The following CFAP47 variants were observed in gnomAD, a reference collection of about 807,000 sequenced individuals.
The protein encoded by CFAP47 is cilia and flagella associated protein 47, also known as cilia- and flagella-associated protein 47.
CFAP47 carries 29 observed loss-of-function variants against 148.1 expected under a neutral mutation model. That is an observed-to-expected ratio of 0.20 (90% CI 0.15 to 0.27). The LOEUF is 0.27. Among genes scored for constraint, CFAP47 ranks in the 10% least tolerant of loss-of-function variants. The pLI is 1.00. For missense variants in CFAP47, 1,872 were observed against 1,697.5 expected, an observed-to-expected ratio of 1.10 and a Z score of -1.81; for synonymous variants, 664 against 577.3, an observed-to-expected ratio of 1.15 and a Z score of -2.15.
chrX:36,120,015 A>G (rs1357321320), intron 33 of CFAP47, among the ~76,000 whole-genome samples: 1 of 88,097 alleles, frequency 1.1e-5, no homozygotes, highest in Non-Finnish European at 2.2e-5. Flanking sequence ...TTTTTTTTTG[A>G]TATGGAATCT....
intron 10 of CFAP47, among the ~76,000 whole-genome samples, chrX:35,969,668 A>G (rs922085631): frequency 9.0e-6 from 1 of 111,495 alleles, no homozygotes; most frequent in East Asian, 2.8e-4. Context: ...GACTTCAAAT[A>G]TATGTAGGAA....
intron 2 of CFAP47, among the ~76,000 whole-genome samples, chrX:35,936,610 G>T (rs12690387): frequency 0.19 from 20,412 of 108,974 alleles, 1,592 homozygotes; most frequent in African/African-American, 0.28. Flanking sequence ...TTTTTTTTCT[G>T]TTATGTTAGG....
At chrX:36,081,365 A>G (rs1937978518) in intron 29 of CFAP47, among the ~76,000 whole-genome samples, 1 of 111,294 alleles carries the variant, frequency 9.0e-6, no homozygotes, top group African/African-American at 3.3e-5. Context: ...AAAACCTACT[A>G]ACAAAAGCCA....
intron 43 of CFAP47, among the ~76,000 whole-genome samples, 176 bp downstream of exon 43, chrX:36,200,669 T>C (rs1939970489): frequency 8.9e-6 from 1 of 111,887 alleles, no homozygotes; most frequent in Non-Finnish European, 1.9e-5. Context: ...ATTTTACCAA[T>C]TAAAAAATTT....
At chrX:36,087,929 T>C (rs1456388579) in intron 30 of CFAP47, among the ~76,000 whole-genome samples, 1 of 111,578 alleles carries the variant, frequency 9.0e-6, no homozygotes, top group Non-Finnish European at 1.9e-5. Flanking sequence ...ATCAAGGTAT[T>C]GTCAAGGTTG....
intron 8 of CFAP47, among the ~76,000 whole-genome samples, chrX:35,962,623 C>G (rs1459202205): frequency 9.0e-6 from 1 of 110,918 alleles, no homozygotes; most frequent in Non-Finnish European, 1.9e-5. Flanking sequence ...GCACCCTGCT[C>G]TCTTTTGGAT....
intron 33 of CFAP47, among the ~76,000 whole-genome samples, chrX:36,129,355 T>C (rs1359613537): frequency 1.8e-5 from 2 of 110,991 alleles, no homozygotes; most frequent in African/African-American, 3.2e-5. Context: ...TCCATAGCAA[T>C]TTTTATCTTG....
intron 36 of CFAP47, among the ~76,000 whole-genome samples, chrX:36,147,798 C>T (rs914221013): frequency 9.8e-5 from 11 of 112,292 alleles, no homozygotes; most frequent in African/African-American, 2.9e-4. Flanking sequence ...CCTTATGACT[C>T]ACTATAACCA....
intron 35 of CFAP47, chrX:36,144,815 G>T (rs1246375326): frequency 9.8e-7 from 1 of 1,023,919 alleles, no homozygotes. Flanking sequence ...TCTGATTCCA[G>T]GTTTTTCAGC....
intron 45 of CFAP47, among the ~76,000 whole-genome samples, chrX:36,212,302 T>G (rs1240867312): frequency 1.8e-5 from 2 of 112,274 alleles, no homozygotes; most frequent in Non-Finnish European, 3.8e-5. Context: ...TAATTACTAT[T>G]GCTTTGTAGT....
At chrX:36,339,288 T>C (rs1012926275) in intron 57 of CFAP47, among the ~76,000 whole-genome samples, 5 of 111,200 alleles carry the variant, frequency 4.5e-5, no homozygotes, top group Admixed American at 9.6e-5. Context: ...TAGTGAGTAA[T>C]TGAGCACAGA....
At chrX:36,337,698 A>T (rs1191449047) in intron 57 of CFAP47, among the ~76,000 whole-genome samples, 2 of 110,630 alleles carry the variant, frequency 1.8e-5, no homozygotes, top group African/African-American at 6.6e-5. Context: ...TTAATAGATT[A>T]GCTTAATTTT....
At chrX:35,932,696 A>G (rs5972008) in intron 2 of CFAP47, among the ~76,000 whole-genome samples, 32,257 of 107,280 alleles carry the variant, frequency 0.3, 5,955 homozygotes, top group African/African-American at 0.68. Context: ...GCGTGATCTC[A>G]GCTCACTGCA....
In CFAP47 at chrX:35,924,859, C is replaced by T. The variant is rs571067988; in HGVS notation, c.250-1158C>T. Among the ~76,000 whole-genome samples, 99 of 111,098 alleles carry T rather than the reference C, an allele frequency of 8.9e-4. No individual in the cohort carries two copies. In the South Asian group the frequency reaches 9.9e-3, roughly 11 times the overall value. The stretch of plus-strand genomic sequence containing the variant: ...AAAAACATGAGCATTAAGTCTTTGC[C>T]TTTAGGTACATAAGACAAATATCAC... On this transcript the variant is annotated intron_variant, in intron 1 of 63. Transcript: ENST00000378653.
chrX:35,966,681 C>A lies in CFAP47; in HGVS notation c.1527C>A (p.Phe509Leu), dbSNP rs751751608. The A allele has an allele frequency of 8.5e-7, 1 of 1,180,502 alleles. No homozygotes were observed. Among genetic ancestry groups the A allele is most frequent in the East Asian group, 3.1e-5 (1 of 32,491 alleles). Residue 509 changes from phenylalanine (F) to leucine (L), a missense_variant, in exon 9 of 64, where the codon TTC (phenylalanine) becomes TTA (leucine). Coordinates refer to ENST00000378653, the MANE Select transcript of CFAP47 (RefSeq NM_001304548.2). Reference protein sequence around the residue: ...EDLQSLSVKSFHHVYLAFNSI... With the variant: ...EDLQSLSVKSLHHVYLAFNSI... ...TGCAATCTTTGTCGGTAAAATCTTT[C>A]CATCACGTATATTTAGCTTTCAACA...
intron 39 of CFAP47, among the ~76,000 whole-genome samples, chrX:36,167,454 G>A (rs1221814068): frequency 2.7e-5 from 3 of 111,451 alleles, no homozygotes; most frequent in African/African-American, 9.8e-5. Context: ...GCTTCTCCCA[G>A]TGTGGAACTA....
At chrX:36,268,720 G>A (rs1172903232) in intron 49 of CFAP47, among the ~76,000 whole-genome samples, 1 of 112,059 alleles carries the variant, frequency 8.9e-6, no homozygotes, top group Non-Finnish European at 1.9e-5. Context: ...ATTTGTGTAT[G>A]TTGTGGAAAG....
At chrX:36,168,788 C>T (rs1356467211) in intron 39 of CFAP47, among the ~76,000 whole-genome samples, 1 of 111,650 alleles carries the variant, frequency 9.0e-6, no homozygotes, top group Non-Finnish European at 1.9e-5. Context: ...TGAAAATTTA[C>T]AGCTTGTTTT....
At chrX:36,152,668 A>G (rs1482110716) in intron 37 of CFAP47, among the ~76,000 whole-genome samples, 1 of 111,558 alleles carries the variant, frequency 9.0e-6, no homozygotes, top group Non-Finnish European at 1.9e-5. Flanking sequence ...CTCTCTAATG[A>G]TCTTTCTGTG....
Sources: allele counts gnomAD v4.1 joint callset (sites outside exome capture counted in the v4.1 genomes callset), GRCh38; gene constraint gnomAD v4.1.1; transcripts MANE v1.5; gene names NCBI Gene and HGNC (gene_info 2026-07-23, HGNC 2026-07-21).